ABTB3: variants seen among roughly 807,000 people sequenced by gnomAD.
ABTB3 encodes ankyrin repeat- and BTB/POZ domain-containing protein 3.
the ABTB3 span, among the ~76,000 whole-genome samples, chr12:107,631,540 T>C: frequency 1.3e-5 from 2 of 152,186 alleles, no homozygotes; most frequent in Non-Finnish European, 2.9e-5. Flanking sequence ...AGTTCCTTAG[T>C]TCGTACCTGG....
chr12:107,393,515 A>G, the ABTB3 span, among the ~76,000 whole-genome samples: 1 of 152,196 alleles, frequency 6.6e-6, no homozygotes, highest in Non-Finnish European at 1.5e-5. Context: ...ACAGTCAGGC[A>G]TTGTGTGATG....
the ABTB3 span, among the ~76,000 whole-genome samples, chr12:107,430,394 C>T: frequency 6.6e-6 from 1 of 152,164 alleles, no homozygotes; most frequent in South Asian, 2.1e-4. Flanking sequence ...TGAAAAACAC[C>T]TTTGCTTTTG....
chr12:107,390,869 G>A, the ABTB3 span, among the ~76,000 whole-genome samples: 39 of 152,260 alleles, frequency 2.6e-4, no homozygotes, highest in South Asian at 7.1e-3. Context: ...TATTGAACTC[G>A]GCCAGGTGCA....
the ABTB3 span, among the ~76,000 whole-genome samples, chr12:107,469,956 CTTTCTT>C: frequency 3.0e-5 from 2 of 67,144 alleles, no homozygotes; most frequent in Admixed American, 1.5e-4. Context: ...TTCTTTCTTT[CTTTCTT>C]TCTTTCTTTC....
chr12:107,489,865 C>T, the ABTB3 span, among the ~76,000 whole-genome samples: 1 of 151,864 alleles, frequency 6.6e-6, no homozygotes, highest in Admixed American at 6.6e-5. Context: ...TGGGCTCAAG[C>T]GACCCTCAGC....
chr12:107,381,201 T>A, the ABTB3 span, among the ~76,000 whole-genome samples: 2 of 152,246 alleles, frequency 1.3e-5, no homozygotes, highest in Non-Finnish European at 2.9e-5. Flanking sequence ...AAGATAGGTC[T>A]GCATAGGTGG....
chr12:107,331,907 C>A, the ABTB3 span, among the ~76,000 whole-genome samples: 1 of 152,358 alleles, frequency 6.6e-6, no homozygotes, highest in East Asian at 1.9e-4. Context: ...CACCTCTCCC[C>A]ACCTGGGTCC....
the ABTB3 span, among the ~76,000 whole-genome samples, chr12:107,405,688 T>TG: frequency 6.6e-6 from 1 of 152,314 alleles, no homozygotes; most frequent in South Asian, 2.1e-4. Context: ...AGCCGGTCCC[T>TG]GGGGGGGCTG....
At chr12:107,348,300 C>T in the ABTB3 span, among the ~76,000 whole-genome samples, 1 of 151,818 alleles carries the variant, frequency 6.6e-6, no homozygotes, top group African/African-American at 2.4e-5. Context: ...CACACACGCA[C>T]ACACACACAC....
At chr12:107,412,580 A>T in the ABTB3 span, among the ~76,000 whole-genome samples, 1 of 152,064 alleles carries the variant, frequency 6.6e-6, no homozygotes, top group Non-Finnish European at 1.5e-5. Flanking sequence ...CCCAAGAGAT[A>T]AGGGCTGTGC....
At chr12:107,581,281 G>A in the ABTB3 span, 1 of 1,468,388 alleles carries the variant, frequency 6.8e-7, no homozygotes, top group East Asian at 2.7e-5. Flanking sequence ...TGCCCGGCGT[G>A]GACTGCGAGC....
chr12:107,590,615 G>A, the ABTB3 span, among the ~76,000 whole-genome samples: 1 of 152,262 alleles, frequency 6.6e-6, no homozygotes, highest in Non-Finnish European at 1.5e-5. Flanking sequence ...AAACCAGACT[G>A]CAGGCGGCAG....
At chr12:107,473,294 T>G in the ABTB3 span, among the ~76,000 whole-genome samples, 3 of 152,052 alleles carry the variant, frequency 2.0e-5, no homozygotes, top group African/African-American at 7.2e-5. Flanking sequence ...CCATCCTCCC[T>G]CTGGTCACTA....
chr12:107,413,470 T>G, the ABTB3 span, among the ~76,000 whole-genome samples: 1 of 152,114 alleles, frequency 6.6e-6, no homozygotes, highest in Non-Finnish European at 1.5e-5. Flanking sequence ...AGCAGGACAC[T>G]CTAGTCCTGC....
At chr12:107,400,869 T>C in the ABTB3 span, among the ~76,000 whole-genome samples, 1 of 152,090 alleles carries the variant, frequency 6.6e-6, no homozygotes, top group Non-Finnish European at 1.5e-5. Flanking sequence ...GGACTGGCAG[T>C]GAATTGATTA....
chr12:107,422,095 C>T, the ABTB3 span, among the ~76,000 whole-genome samples: 5 of 152,180 alleles, frequency 3.3e-5, no homozygotes, highest in Admixed American at 2.6e-4. Flanking sequence ...TGGGGAGCTA[C>T]TTTCAATGGG....
the ABTB3 span, chr12:107,620,030 G>A: frequency 8.7e-6 from 14 of 1,613,870 alleles, no homozygotes; most frequent in South Asian, 2.2e-5. Context: ...TTTGCGGATC[G>A]CCTTCCAGCA....
chr12:107,544,103 A>C, the ABTB3 span: 2 of 1,613,908 alleles, frequency 1.2e-6, no homozygotes, highest in Non-Finnish European at 1.7e-6. Flanking sequence ...GAAAACCCCA[A>C]CGTGGAGCCT....
At chr12:107,550,566 T>C in the ABTB3 span, among the ~76,000 whole-genome samples, 2 of 144,964 alleles carry the variant, frequency 1.4e-5, no homozygotes, top group East Asian at 2.0e-4. Flanking sequence ...CTTCTAATTT[T>C]CTTTCTTTCT....
Sources: allele counts gnomAD v4.1 joint callset (sites outside exome capture counted in the v4.1 genomes callset), GRCh38; gene constraint gnomAD v4.1.1; transcripts MANE v1.5; gene names NCBI Gene and HGNC (gene_info 2026-07-23, HGNC 2026-07-21).